Variants in OR9Q1 observed in about 807,000 individuals in gnomAD.
The protein encoded by OR9Q1 is olfactory receptor family 9 subfamily Q member 1.
For synonymous variants in OR9Q1, 153 were observed against 148.6 expected (o/e 1.03, Z -0.22); for missense variants, 374 against 378.8 (o/e 0.99, Z 0.11).
intron 2 of OR9Q1, among the ~76,000 whole-genome samples, chr11:58,135,068 A>C (rs1854177419): frequency 6.6e-6 from 1 of 152,174 alleles, no homozygotes; most frequent in African/African-American, 2.4e-5. Flanking sequence ...AAGTGATGTC[A>C]TACCCATCTT....
intron 2 of OR9Q1, among the ~76,000 whole-genome samples, chr11:58,166,655 G>A (rs1854507855): frequency 6.6e-6 from 1 of 152,126 alleles, no homozygotes; most frequent in Non-Finnish European, 1.5e-5. Flanking sequence ...TCATGGATTT[G>A]GGTTAATTTA....
chr11:58,066,514 T>C (rs1317345458), intron 2 of OR9Q1, among the ~76,000 whole-genome samples: 1 of 152,128 alleles, frequency 6.6e-6, no homozygotes, highest in Non-Finnish European at 1.5e-5. Flanking sequence ...GTAGTTGAGC[T>C]CTCAGCCTTT....
At chr11:58,161,250 AAAAAAG>A (rs1168455665) in intron 2 of OR9Q1, among the ~76,000 whole-genome samples, 1 of 152,048 alleles carries the variant, frequency 6.6e-6, no homozygotes, top group Admixed American at 6.5e-5. Flanking sequence ...AAAAAAAAAA[AAAAAAG>A]AAAAGAGTTA....
At chr11:58,030,519 C>T (rs1046109415) in intron 1 of OR9Q1, among the ~76,000 whole-genome samples, 1 of 152,204 alleles carries the variant, frequency 6.6e-6, no homozygotes, top group African/African-American at 2.4e-5. Flanking sequence ...CTCTTGAACT[C>T]CATGGTAAAC....
intron 2 of OR9Q1, among the ~76,000 whole-genome samples, chr11:58,100,079 C>T (rs1320043938): frequency 1.3e-5 from 2 of 152,102 alleles, no homozygotes; most frequent in Non-Finnish European, 2.9e-5. Flanking sequence ...GGTTGGCTGG[C>T]TCTCCCACGC....
intron 2 of OR9Q1, among the ~76,000 whole-genome samples, chr11:58,075,892 C>T (rs1853534396): frequency 6.6e-6 from 1 of 152,176 alleles, no homozygotes; most frequent in African/African-American, 2.4e-5. Flanking sequence ...TCATCACTTA[C>T]TATGTGCCAA....
At position 58,046,859 on chromosome 11, in the gene OR9Q1, A is replaced by G. The variant is rs1853221875; in HGVS notation, c.-92-9011A>G. Among the ~76,000 whole-genome samples the G allele has an allele frequency of 2.0e-5, 3 of 151,952 alleles. No homozygotes were observed. The South Asian group carries it at 6.2e-4, about 32-fold the overall frequency. ...GCCTGGGCAACAAGAGGGAAACTCC[A>G]TCTTAAAAAAAAAGAAAAAAAAAGA... On this transcript the variant is annotated intron_variant, in intron 1 of 2. Transcript: ENST00000335397.
intron 1 of OR9Q1, among the ~76,000 whole-genome samples, chr11:58,054,742 G>A (rs1853311091): frequency 6.6e-6 from 1 of 152,132 alleles, no homozygotes; most frequent in African/African-American, 2.4e-5. Context: ...TGGGCAACAT[G>A]GTAAAACCCC....
At chr11:58,126,364 C>G (rs1277620820) in intron 2 of OR9Q1, among the ~76,000 whole-genome samples, 2 of 152,170 alleles carry the variant, frequency 1.3e-5, no homozygotes, top group African/African-American at 4.8e-5. Flanking sequence ...GTTCCTGATT[C>G]AGTAGAACCT....
chr11:58,061,252 C>G (rs1433606495), intron 2 of OR9Q1, among the ~76,000 whole-genome samples: 2 of 152,094 alleles, frequency 1.3e-5, no homozygotes, highest in African/African-American at 4.8e-5. Flanking sequence ...GAGTCTTTGG[C>G]CCTATATTGG....
chr11:58,033,225 G>T (rs1270090953), intron 1 of OR9Q1, among the ~76,000 whole-genome samples: 4 of 152,150 alleles, frequency 2.6e-5, no homozygotes, highest in Admixed American at 2.6e-4. Flanking sequence ...AAATAGAACT[G>T]CTATTCAAGC....
chr11:58,077,421 T>G (rs1853547769), intron 2 of OR9Q1: 4 of 152,232 alleles, frequency 2.6e-5, no homozygotes, highest in Admixed American at 2.6e-4. Flanking sequence ...CTTTAGACTT[T>G]GGATCAAAAG....
chr11:58,163,078 A>G (rs1182614668), intron 2 of OR9Q1, among the ~76,000 whole-genome samples: 1 of 152,206 alleles, frequency 6.6e-6, no homozygotes, highest in Non-Finnish European at 1.5e-5. Flanking sequence ...GAAGGTGACA[A>G]TTCCTATGGT....
chr11:58,143,628 C>CT (rs1348084963), intron 2 of OR9Q1, among the ~76,000 whole-genome samples: 1 of 152,006 alleles, frequency 6.6e-6, no homozygotes, highest in East Asian at 1.9e-4. Context: ...CATGTCCTTA[C>CT]TTATAAGTGG....
intron 2 of OR9Q1, among the ~76,000 whole-genome samples, chr11:58,111,555 A>G (rs977709253): frequency 6.6e-6 from 1 of 152,138 alleles, no homozygotes; most frequent in Admixed American, 6.5e-5. Flanking sequence ...TTCAAAAGAG[A>G]TTTTGATTTA....
In OR9Q1 at chr11:58,053,614, T is replaced by TATATATATAAA. The variant is rs1228948706; in HGVS notation, c.-92-2247_-92-2246insAAATATATATA. Among the ~76,000 whole-genome samples the TATATATATAAA allele has an allele frequency of 8.0e-3, 828 of 103,994 alleles. 12 individuals are homozygous for TATATATATAAA. The highest frequency in any genetic ancestry group is 0.022 in the African/African-American group (683 of 30,804). 68.2% of individuals were successfully genotyped at this position (103,994 alleles called of 152,430 possible). A position where few individuals can be genotyped will look rare whatever the true frequency, so the allele number is the denominator to read the frequency against. ...AAAGTATAATAATAAAATTAAAAAATATATATATATATAAAATATATATAT... is the reference window on the plus strand; with the variant it reads ...AAAGTATAATAATAAAATTAAAAAATATATATATAAAATATATATATATAAAATATATATAT... On this transcript the variant is annotated intron_variant, in intron 1 of 2. Transcript: ENST00000335397.
intron 2 of OR9Q1, among the ~76,000 whole-genome samples, chr11:58,142,667 G>T (rs1420161394): frequency 6.6e-6 from 1 of 152,086 alleles, no homozygotes; most frequent in Admixed American, 6.5e-5. Flanking sequence ...AGGACAAGAA[G>T]AATCACCTCT....
At chr11:58,072,107 A>T (rs1320796680) in intron 2 of OR9Q1, among the ~76,000 whole-genome samples, 1 of 152,236 alleles carries the variant, frequency 6.6e-6, no homozygotes. Context: ...TTGTAAAAAT[A>T]TAACAGTTTT....
chr11:58,138,472 A>G (rs568654648), intron 2 of OR9Q1, among the ~76,000 whole-genome samples: 1 of 152,370 alleles, frequency 6.6e-6, no homozygotes, highest in Middle Eastern at 3.4e-3. Flanking sequence ...TTTGAAAGAT[A>G]CTTTTTGTAA....
Sources: gnomAD v4.1 joint callset for allele counts (sites outside exome capture counted in the v4.1 genomes callset) on GRCh38, gnomAD v4.1.1 for gene constraint, MANE v1.5 for transcripts, NCBI Gene and HGNC (gene_info 2026-07-23, HGNC 2026-07-21) for gene names.